The following SMARCAD1 variants were observed in gnomAD, a reference collection of about 807,000 sequenced individuals.
SMARCAD1 encodes the protein SWI/SNF-related matrix-associated actin-dependent regulator of chromatin subfamily A containing DEAD/H box 1.
Under a neutral mutation model 127.1 loss-of-function variants are expected in SMARCAD1, and 25 were observed. The ratio of observed to expected loss-of-function variants is 0.20; its 90% CI spans 0.14 to 0.27. The LOEUF (loss-of-function observed/expected upper bound fraction) is 0.27. SMARCAD1 is among the 10% of genes least tolerant of loss of function. SMARCAD1 has a pLI of 1.00. For synonymous variants in SMARCAD1, 400 were observed against 396.9 expected (o/e 1.01, Z -0.09); for missense variants, 807 against 1,206.0 (o/e 0.67, Z 4.90).
At chr4:94,236,919 A>AT in intron 4 of SMARCAD1, 33 bp from the exon 5 acceptor site, 1 of 1,549,488 alleles carries the variant, frequency 6.5e-7, no homozygotes, top group Non-Finnish European at 8.9e-7. Flanking sequence ...TAAAGTGCTG[A>AT]TTTAAAACAT....
At chr4:94,213,916 G>C (rs933798419) in intron 2 of SMARCAD1, among the ~76,000 whole-genome samples, 2 of 152,020 alleles carry the variant, frequency 1.3e-5, no homozygotes, top group Non-Finnish European at 2.9e-5. Context: ...TCCTAAGCAG[G>C]GTGTACAATA....
chr4:94,216,411 T>A (rs1743192577), intron 2 of SMARCAD1, among the ~76,000 whole-genome samples: 1 of 152,186 alleles, frequency 6.6e-6, no homozygotes, highest in African/African-American at 2.4e-5. Context: ...ACTATAAATA[T>A]ACTCATTCAT....
chr4:94,275,954 C>T (rs2125988606), intron 14 of SMARCAD1, among the ~76,000 whole-genome samples: 1 of 151,970 alleles, frequency 6.6e-6, no homozygotes, highest in Admixed American at 6.6e-5. Flanking sequence ...CCCACCACCA[C>T]ACCCGGCTAA....
intron 3 of SMARCAD1, among the ~76,000 whole-genome samples, chr4:94,231,792 A>G (rs559400671): frequency 4.4e-4 from 67 of 152,144 alleles, no homozygotes; most frequent in Non-Finnish European, 8.1e-4. Flanking sequence ...TTAATCTAGA[A>G]TGGGCCACTC....
intron 10 of SMARCAD1, among the ~76,000 whole-genome samples, chr4:94,269,474 G>A (rs1379541481): frequency 6.6e-6 from 1 of 150,672 alleles, no homozygotes; most frequent in African/African-American, 2.5e-5. Context: ...TTGTAGCTAT[G>A]CAACCTCAGG....
intron 8 of SMARCAD1, among the ~76,000 whole-genome samples, chr4:94,252,193 A>T (rs548017015): frequency 6.6e-6 from 1 of 152,310 alleles, no homozygotes; most frequent in South Asian, 2.1e-4. Context: ...TAGAATATTG[A>T]AGATAGTATT....
intron 3 of SMARCAD1, among the ~76,000 whole-genome samples, chr4:94,231,041 TAGTG>T (rs768261908): frequency 3.9e-5 from 6 of 152,194 alleles, no homozygotes; most frequent in East Asian, 1.9e-4. Flanking sequence ...TTATTGTCCT[TAGTG>T]AGAACAGTTT....
At chr4:94,272,436 T>G (rs897742412) in intron 11 of SMARCAD1, among the ~76,000 whole-genome samples, 5 of 152,214 alleles carry the variant, frequency 3.3e-5, no homozygotes, top group African/African-American at 1.2e-4. Flanking sequence ...TACAGCTTAG[T>G]GACTTTTTAC....
intron 20 of SMARCAD1, among the ~76,000 whole-genome samples, chr4:94,281,203 T>C (rs1446703537): frequency 1.3e-5 from 2 of 152,212 alleles, no homozygotes; most frequent in East Asian, 1.9e-4. Context: ...GTTTTTCTTA[T>C]GAAAAGGAAG....
intron 6 of SMARCAD1, among the ~76,000 whole-genome samples, chr4:94,242,027 CT>C (rs921023830): frequency 4.6e-5 from 7 of 150,948 alleles, no homozygotes; most frequent in African/African-American, 1.2e-4. Context: ...AGGATAACTT[CT>C]TTTTTTTTGT....
Position 94,275,958 on chromosome 4 carries a change from C to T in SMARCAD1, c.1809-381C>T, listed in dbSNP as rs575038822. 3.0e-4 allele frequency among the ~76,000 whole-genome samples: 46 copies of T among 151,878 alleles called. 1 individual carries two copies. The highest frequency in any genetic ancestry group is 1.0e-3 in the African/African-American group (43 of 41,416). On this transcript the variant is annotated intron_variant, in intron 14 of 23. Coordinates refer to ENST00000354268, the MANE Select transcript of SMARCAD1 (RefSeq NM_020159.5). ...GACTACAGGCGCCCACCACCACACC[C>T]GGCTAATTTTTTATATTTTTAGTAG...
In SMARCAD1 at chr4:94,233,873, A is replaced by G. The variant is rs1223755336; in HGVS notation, c.369-81A>G. On this transcript the variant is annotated intron_variant, in intron 3 of 23. Transcript: ENST00000354268. ...AAAAGAACTGCAGATGTGTTGTACT[A>G]TGTATACACATAGACACTATAATGA... The G allele has an allele frequency of 6.5e-6, 9 of 1,393,520 alleles. No homozygotes were observed. In the African/African-American group the frequency reaches 7.2e-5, roughly 11 times the overall value. The allele number at this position is 1,393,520 out of a possible 1,614,324, so 86.3% of individuals were successfully genotyped here.
chr4:94,230,774 C>A (rs996463264), intron 3 of SMARCAD1, among the ~76,000 whole-genome samples: 1 of 151,998 alleles, frequency 6.6e-6, no homozygotes, highest in Non-Finnish European at 1.5e-5. Flanking sequence ...CATTCATAGA[C>A]AAGAAAGAAC....
intron 10 of SMARCAD1, among the ~76,000 whole-genome samples, chr4:94,267,782 TA>T (rs1329817576): frequency 6.6e-6 from 1 of 152,158 alleles, no homozygotes; most frequent in African/African-American, 2.4e-5. Context: ...GCACTTAACT[TA>T]TTCAGAAGAC....
rs1560576525 is a variant in SMARCAD1, at chr4:94,290,194, GC to G, written c.*664del. ...TTTCCAGTGAATAGTAACTAAAGAAGCCCCTACCTTGCTCCATGGATTAATT... is the reference window on the plus strand; with the variant it reads ...TTTCCAGTGAATAGTAACTAAAGAAGCCCTACCTTGCTCCATGGATTAATT... On this transcript the variant is annotated 3_prime_UTR_variant, in exon 24 of 24. Coordinates refer to ENST00000354268, the MANE Select transcript of SMARCAD1 (RefSeq NM_020159.5). The G allele has an allele frequency of 2.2e-6, 1 of 454,430 alleles. No individual in the cohort carries two copies. The highest frequency in any genetic ancestry group is 4.4e-6 in the Non-Finnish European group (1 of 226,734). 28.1% of individuals were successfully genotyped at this position (454,430 alleles called of 1,614,324 possible). A position where few individuals can be genotyped will look rare whatever the true frequency, so the allele number is the denominator to read the frequency against.
intron 8 of SMARCAD1, among the ~76,000 whole-genome samples, chr4:94,251,940 C>G (rs1460225452): frequency 6.6e-6 from 1 of 152,172 alleles, no homozygotes; most frequent in Non-Finnish European, 1.5e-5. Flanking sequence ...CAACCTCCAC[C>G]TCCCAGGTTC....
chr4:94,281,729 T>A, intron 21 of SMARCAD1, 139 bp downstream of exon 21: 1 of 677,992 alleles, frequency 1.5e-6, no homozygotes, highest in Non-Finnish European at 2.6e-6. Flanking sequence ...AAAATAAGAG[T>A]AATTTCAATG....
intron 3 of SMARCAD1, among the ~76,000 whole-genome samples, chr4:94,233,434 A>G (rs1746151073): frequency 6.6e-6 from 1 of 152,224 alleles, no homozygotes; most frequent in South Asian, 2.1e-4. Flanking sequence ...CTCATATGAA[A>G]TAAATATTCC....
In SMARCAD1 at chr4:94,290,230, C is replaced by A. The variant is rs1328062966; in HGVS notation, c.*696C>A. 1 of 454,510 alleles carries A rather than the reference C, an allele frequency of 2.2e-6. No individual in the cohort carries two copies. Among genetic ancestry groups the A allele is most frequent in the East Asian group, 6.9e-5 (1 of 14,394 alleles). The allele number at this position is 454,510 out of a possible 1,614,324, so 28.2% of individuals were successfully genotyped here. On this transcript the variant is annotated 3_prime_UTR_variant, in exon 24 of 24. Transcript: ENST00000354268. ...GCTCCATGGATTAATTCCTTCTGTT[C>A]ATTTTCCAACTGCACTAATTGTGCA...
Sources: allele counts gnomAD v4.1 joint callset (sites outside exome capture counted in the v4.1 genomes callset), GRCh38; gene constraint gnomAD v4.1.1; transcripts MANE v1.5; gene names NCBI Gene and HGNC (gene_info 2026-07-23, HGNC 2026-07-21).